Variants in VWA3B observed in about 807,000 individuals in gnomAD.
The protein encoded by VWA3B is von Willebrand factor A domain containing 3B.
A neutral mutation model predicts 158.3 loss-of-function variants in VWA3B; 138 were observed. The ratio of observed to expected loss-of-function variants is 0.87; its 90% CI spans 0.76 to 1.00. The LOEUF is 1.00. VWA3B is among the 50% of genes least tolerant of loss of function. VWA3B has a pLI of 0.00. For synonymous variants in VWA3B, 596 were observed against 587.3 expected, an observed-to-expected ratio of 1.01 and a Z score of -0.21; for missense variants, 1,555 against 1,565.1, an observed-to-expected ratio of 0.99 and a Z score of 0.11.
chr2:98,311,685 G>A (rs768023723), intron 26 of VWA3B, 134 bp from the exon 27 acceptor site: 3 of 1,067,382 alleles, frequency 2.8e-6, no homozygotes, highest in Non-Finnish European at 4.0e-6. Context: ...GGTTCACAGC[G>A]CTCCAGAGAC....
chr2:98,298,133 C>T (rs1309295426), intron 24 of VWA3B, 102 bp downstream of exon 24: 20 of 1,319,318 alleles, frequency 1.5e-5, no homozygotes, highest in South Asian at 2.2e-5. Context: ...TGAACCTACA[C>T]GGGCTCCTGC....
At chr2:98,316,767 A>G (rs915998945), downstream of VWA3B, among the ~76,000 whole-genome samples, 4 of 152,062 alleles carry the variant, frequency 2.6e-5, no homozygotes, top group Non-Finnish European at 5.9e-5. Flanking sequence ...TGGGTACTGT[A>G]TAGTGACTGA....
intron 3 of VWA3B, among the ~76,000 whole-genome samples, chr2:98,119,174 C>T (rs184456039): frequency 6.6e-6 from 1 of 152,320 alleles, no homozygotes; most frequent in East Asian, 1.9e-4. Flanking sequence ...CATTATTTTC[C>T]ATCTGCCTTT....
chr2:98,200,499 C>T (rs1269716971), intron 12 of VWA3B, among the ~76,000 whole-genome samples: 2 of 148,370 alleles, frequency 1.3e-5, no homozygotes, highest in Non-Finnish European at 3.0e-5. Context: ...GCTGAGACGA[C>T]GCCACTGCAC....
At chr2:98,110,725 C>T (rs1674071970) in intron 2 of VWA3B, among the ~76,000 whole-genome samples, 1 of 152,162 alleles carries the variant, frequency 6.6e-6, no homozygotes, top group Non-Finnish European at 1.5e-5. Context: ...ATATTTCATC[C>T]TTCACCCTTG....
At chr2:98,305,841 A>T (rs976403278) in intron 26 of VWA3B, among the ~76,000 whole-genome samples, 1 of 152,050 alleles carries the variant, frequency 6.6e-6, no homozygotes, top group Non-Finnish European at 1.5e-5. Flanking sequence ...GCTGAGCAGA[A>T]TCAACTTCCT....
At chr2:98,304,818 A>G (rs535219399) in intron 26 of VWA3B, among the ~76,000 whole-genome samples, 1 of 152,136 alleles carries the variant, frequency 6.6e-6, no homozygotes, top group African/African-American at 2.4e-5. Flanking sequence ...GTTCACACAC[A>G]CGCAGCACCC....
chr2:98,108,100 A>C (rs1208751087), intron 2 of VWA3B, among the ~76,000 whole-genome samples: 1 of 152,036 alleles, frequency 6.6e-6, no homozygotes, highest in African/African-American at 2.4e-5. Context: ...ATTTTCATCA[A>C]GACTTCCTCT....
rs375551401 is a variant in VWA3B, at chr2:98,149,334, A to G, written c.989-13517A>G. On this transcript the variant is annotated intron_variant, in intron 7 of 27. Transcript: ENST00000477737. The stretch of plus-strand genomic sequence containing the variant: ...AAGCAAGGGAAAAATGAAGCAACAA[A>G]AGCAGGGATTTATTGAAAACGAAAG... Among the ~76,000 whole-genome samples, 3 of 152,358 alleles carry G rather than the reference A, an allele frequency of 2.0e-5. No individual in the cohort carries two copies. The South Asian group carries it at 6.2e-4, about 32-fold the overall frequency.
At chr2:98,287,584 C>A (rs1224509184) in intron 22 of VWA3B, among the ~76,000 whole-genome samples, 1 of 152,100 alleles carries the variant, frequency 6.6e-6, no homozygotes, top group Admixed American at 6.6e-5. Context: ...AAAAATGGAA[C>A]TTTAGAGTTG....
At chr2:98,307,944 C>A (rs1192224825) in intron 26 of VWA3B, among the ~76,000 whole-genome samples, 4 of 152,162 alleles carry the variant, frequency 2.6e-5, no homozygotes, top group Non-Finnish European at 4.4e-5. Flanking sequence ...GCCTTTCCTC[C>A]AGGTCTCTCT....
chr2:98,260,182 G>A (rs1455663071), intron 21 of VWA3B, among the ~76,000 whole-genome samples: 1 of 151,768 alleles, frequency 6.6e-6, no homozygotes, highest in Non-Finnish European at 1.5e-5. Context: ...TGCACTTAAT[G>A]TATATTCTGA....
In VWA3B at chr2:98,255,180, A is replaced by ATTT. The variant is rs1302034902; in HGVS notation, c.2793-943_2793-942insTTT. 1.1e-3 allele frequency among the ~76,000 whole-genome samples: 73 copies of ATTT among 65,926 alleles called. 2 individuals carry two copies. Among genetic ancestry groups the ATTT allele is most frequent in the African/African-American group, 4.3e-3 (66 of 15,280 alleles). The allele number at this position is 65,926 out of a possible 152,430, so 43.3% of individuals were successfully genotyped here. A position where few individuals can be genotyped will look rare whatever the true frequency, so the allele number is the denominator to read the frequency against. On this transcript the variant is annotated intron_variant, in intron 20 of 27. Coordinates refer to ENST00000477737, the MANE Select transcript of VWA3B (RefSeq NM_144992.5). ...AGTCGCCCGCCACCACGCCCGGCTGATATTTTTTTTTTTTTTTTTTTTTTT... is the reference window on the plus strand; with the variant it reads ...AGTCGCCCGCCACCACGCCCGGCTGATTTTATTTTTTTTTTTTTTTTTTTTTTT...
intron 14 of VWA3B, among the ~76,000 whole-genome samples, chr2:98,221,773 C>T (rs1271556402): frequency 6.6e-6 from 1 of 152,154 alleles, no homozygotes; most frequent in South Asian, 2.1e-4. Flanking sequence ...AGGGTAGCGT[C>T]CATGGTGCCC....
chr2:98,094,766 A>C (rs926044079), intron 2 of VWA3B, among the ~76,000 whole-genome samples: 4 of 152,172 alleles, frequency 2.6e-5, no homozygotes, highest in African/African-American at 7.2e-5. Flanking sequence ...CCTACAATTA[A>C]GTCTGTAATT....
the VWA3B span, among the ~76,000 whole-genome samples, chr2:98,318,418 C>G: frequency 6.6e-6 from 1 of 152,142 alleles, no homozygotes; most frequent in African/African-American, 2.4e-5. Context: ...ATGTCCTTTA[C>G]AGGGACATAG....
intron 21 of VWA3B, among the ~76,000 whole-genome samples, chr2:98,263,821 T>A (rs531490775): frequency 6.6e-6 from 1 of 152,170 alleles, no homozygotes; most frequent in South Asian, 2.1e-4. Context: ...TTGTTATTAA[T>A]TATTTCATTG....
At chr2:98,272,114 A>T (rs1180882524) in intron 22 of VWA3B, among the ~76,000 whole-genome samples, 1 of 152,166 alleles carries the variant, frequency 6.6e-6, no homozygotes, top group East Asian at 1.9e-4. Context: ...CTACCTAGAG[A>T]TGACATCAGA....
At chr2:98,267,046 C>A (rs1429352263) in intron 21 of VWA3B, among the ~76,000 whole-genome samples, 1 of 151,764 alleles carries the variant, frequency 6.6e-6, no homozygotes, top group Non-Finnish European at 1.5e-5. Context: ...ATTTTTTTCT[C>A]CTACCTGATT....
Sources: gnomAD v4.1 joint callset for allele counts (sites outside exome capture counted in the v4.1 genomes callset) on GRCh38, gnomAD v4.1.1 for gene constraint, MANE v1.5 for transcripts, NCBI Gene and HGNC (gene_info 2026-07-23, HGNC 2026-07-21) for gene names.